Variants in HS3ST2 observed in about 807,000 individuals in gnomAD.
HS3ST2 encodes the protein heparan sulfate glucosamine 3-O-sulfotransferase 2.
A neutral mutation model predicts 26.3 loss-of-function variants in HS3ST2; 17 were observed. The ratio of observed to expected loss-of-function variants is 0.65; its 90% CI spans 0.44 to 0.97. The LOEUF (loss-of-function observed/expected upper bound fraction) is 0.97. Ranked by LOEUF, HS3ST2 falls within the 50% of genes least tolerant of loss-of-function variation. HS3ST2 has a pLI of 0.00. For synonymous variants in HS3ST2, 237 were observed against 219.2 expected, an observed-to-expected ratio of 1.08 and a Z score of -0.72; for missense variants, 402 against 501.2, an observed-to-expected ratio of 0.80 and a Z score of 1.89.
intron 1 of HS3ST2, among the ~76,000 whole-genome samples, chr16:22,866,834 A>G (rs1224347397): frequency 1.3e-5 from 2 of 152,128 alleles, no homozygotes; most frequent in African/African-American, 4.8e-5. Flanking sequence ...TGCATGAAGA[A>G]AACTATAAAA....
At chr16:22,886,072 CA>C (rs1383355580) in intron 1 of HS3ST2, among the ~76,000 whole-genome samples, 4 of 152,144 alleles carry the variant, frequency 2.6e-5, no homozygotes, top group African/African-American at 9.7e-5. Flanking sequence ...ATCTTCTAAG[CA>C]AAGTAGCCCT....
intron 1 of HS3ST2, among the ~76,000 whole-genome samples, chr16:22,821,052 CTG>C (rs1900984108): frequency 6.6e-6 from 1 of 152,136 alleles, no homozygotes. Context: ...TGCTTCATCT[CTG>C]TAGCCAGCAG....
At chr16:22,899,015 T>A (rs148570668) in intron 1 of HS3ST2, among the ~76,000 whole-genome samples, 24 of 152,348 alleles carry the variant, frequency 1.6e-4, no homozygotes, top group Admixed American at 2.6e-4. Context: ...GGGGCGCTGC[T>A]ATGCTGCAAG....
At chr16:22,870,863 C>T (rs1901827305) in intron 1 of HS3ST2, among the ~76,000 whole-genome samples, 1 of 152,142 alleles carries the variant, frequency 6.6e-6, no homozygotes, top group Admixed American at 6.5e-5. Flanking sequence ...CTTATAACCA[C>T]CTAATGTGGT....
intron 1 of HS3ST2, among the ~76,000 whole-genome samples, chr16:22,823,814 C>G (rs1309757706): frequency 1.3e-5 from 2 of 151,994 alleles, no homozygotes; most frequent in Non-Finnish European, 2.9e-5. Context: ...AATGTGTTAG[C>G]GATTGGGAGA....
intron 1 of HS3ST2, among the ~76,000 whole-genome samples, chr16:22,826,797 G>A (rs1441906152): frequency 6.6e-6 from 1 of 152,158 alleles, no homozygotes; most frequent in Non-Finnish European, 1.5e-5. Flanking sequence ...AGGTGACTCA[G>A]TCATCAATAG....
At chr16:22,841,646 G>A (rs1376988663) in intron 1 of HS3ST2, among the ~76,000 whole-genome samples, 1 of 152,110 alleles carries the variant, frequency 6.6e-6, no homozygotes, top group Non-Finnish European at 1.5e-5. Flanking sequence ...TACCGTGTTT[G>A]TATCAACCAA....
intron 1 of HS3ST2, among the ~76,000 whole-genome samples, chr16:22,910,714 C>T (rs1399245977): frequency 6.6e-6 from 1 of 151,994 alleles, no homozygotes; most frequent in Non-Finnish European, 1.5e-5. Context: ...AGACTTTGGG[C>T]CTAGAAGAAA....
At chr16:22,893,546 A>G (rs1902159461) in intron 1 of HS3ST2, among the ~76,000 whole-genome samples, 1 of 148,268 alleles carries the variant, frequency 6.7e-6, no homozygotes, top group South Asian at 2.1e-4. Context: ...CTTTTGACCT[A>G]TTTCTGCACT....
At chr16:22,909,665 A>G (rs1233077893) in intron 1 of HS3ST2, among the ~76,000 whole-genome samples, 2 of 152,222 alleles carry the variant, frequency 1.3e-5, no homozygotes, top group African/African-American at 2.4e-5. Flanking sequence ...TTGTGGCATG[A>G]CTACAGCATG....
In HS3ST2 at chr16:22,814,692, C is replaced by G. The variant is rs759925617; in HGVS notation, c.82C>G (p.Leu28Val). Reference sequence around the variant, plus strand: ...GCTGCTCTTCGCCTTCACGCTCTCGCTCTCCTGCACTTACCTGTGTTACAG... The same window carrying G: ...GCTGCTCTTCGCCTTCACGCTCTCGGTCTCCTGCACTTACCTGTGTTACAG... Reference protein sequence around the residue: ...RRLLFAFTLSLSCTYLCYSFL... With the variant: ...RRLLFAFTLSVSCTYLCYSFL... The change falls in exon 1 of 2, where the codon CTC (leucine) becomes GTC (valine). Residue 28 changes from leucine (L) to valine (V), a missense_variant. Leu to Val is a conservative substitution (Grantham distance 32). Around this residue, in one of 2 missense-constraint regions of HS3ST2, gnomAD observed 165 missense variants for 154.6 expected, o/e 1.07. Transcript: ENST00000261374. 2 of 1,605,696 alleles carry G rather than the reference C, an allele frequency of 1.2e-6. No homozygotes were observed. Among genetic ancestry groups the G allele is most frequent in the Non-Finnish European group, 1.7e-6 (2 of 1,177,088 alleles).
chr16:22,879,753 G>A (rs187051020), intron 1 of HS3ST2, among the ~76,000 whole-genome samples: 130 of 152,230 alleles, frequency 8.5e-4, no homozygotes, highest in African/African-American at 2.6e-3. Context: ...AATTAATCTG[G>A]AGGTACCAAC....
chr16:22,885,101 A>G (rs891834550), intron 1 of HS3ST2, among the ~76,000 whole-genome samples: 3 of 152,032 alleles, frequency 2.0e-5, no homozygotes, highest in Admixed American at 6.5e-5. Flanking sequence ...TTGGCCTCCC[A>G]AAGTGCTGGG....
chr16:22,847,864 GA>G lies in HS3ST2; in HGVS notation c.485+32778del, dbSNP rs539238156. On this transcript the variant is annotated intron_variant, in intron 1 of 1. Coordinates refer to ENST00000261374, the MANE Select transcript of HS3ST2 (RefSeq NM_006043.2). ...AAAAGGAAGGAAGGAAGGAGAAAAA[GA>G]AAAAAAAAGAAAGAAAGAGGAAGAA... Among the ~76,000 whole-genome samples the G allele has an allele frequency of 7.3e-3, 827 of 113,102 alleles. 5 individuals carry two copies. Among genetic ancestry groups the G allele is most frequent in the African/African-American group, 0.018 (559 of 30,584 alleles). The allele number at this position is 113,102 out of a possible 152,430, so 74.2% of individuals were successfully genotyped here.
intron 1 of HS3ST2, among the ~76,000 whole-genome samples, chr16:22,871,702 T>C (rs188430941): frequency 6.6e-6 from 1 of 152,290 alleles, no homozygotes; most frequent in Non-Finnish European, 1.5e-5. Context: ...GCTCAATAAA[T>C]ATTTGATGAA....
chr16:22,837,065 C>T (rs1901267327), intron 1 of HS3ST2, among the ~76,000 whole-genome samples: 1 of 151,614 alleles, frequency 6.6e-6, no homozygotes, highest in Non-Finnish European at 1.5e-5. Flanking sequence ...CATTTTTTTC[C>T]CCTTTTGTTG....
At chr16:22,891,760 T>A (rs1330928306) in intron 1 of HS3ST2, among the ~76,000 whole-genome samples, 2 of 152,176 alleles carry the variant, frequency 1.3e-5, no homozygotes, top group Non-Finnish European at 2.9e-5. Context: ...AGAGACCCGA[T>A]GTAATATGTT....
At chr16:22,872,977 C>T (rs1901859054) in intron 1 of HS3ST2, among the ~76,000 whole-genome samples, 1 of 152,194 alleles carries the variant, frequency 6.6e-6, no homozygotes, top group Non-Finnish European at 1.5e-5. Flanking sequence ...TCTCACCAGA[C>T]ATGTGACCAT....
At chr16:22,829,324 G>A (rs1422065521) in intron 1 of HS3ST2, among the ~76,000 whole-genome samples, 1 of 152,150 alleles carries the variant, frequency 6.6e-6, no homozygotes. Context: ...TGCAGAATAG[G>A]TGGGGATTTG....
Sources: allele counts gnomAD v4.1 joint callset (sites outside exome capture counted in the v4.1 genomes callset), GRCh38; gene constraint gnomAD v4.1.1; regional missense constraint gnomAD v4.1.1; transcripts MANE v1.5; gene names NCBI Gene and HGNC (gene_info 2026-07-23, HGNC 2026-07-21).